The following VPS13A variants were observed in gnomAD, a reference collection of about 807,000 sequenced individuals.
VPS13A encodes the protein vacuolar protein sorting 13 homolog A, also known as intermembrane lipid transfer protein VPS13A.
A neutral mutation model predicts 390.9 loss-of-function variants in VPS13A; 264 were observed. The ratio of observed to expected loss-of-function variants is 0.68; its 90% CI spans 0.61 to 0.75. The LOEUF is 0.75. VPS13A is among the 30% of genes least tolerant of loss of function. The probability of loss-of-function intolerance (pLI) is 0.00; values close to 1 mark genes in which losing one functional copy is unlikely to be tolerated. For synonymous variants in VPS13A, 1,231 were observed against 1,227.1 expected, an observed-to-expected ratio of 1.00 and a Z score of -0.07; for missense variants, 3,409 against 3,733.9, an observed-to-expected ratio of 0.91 and a Z score of 2.27.
At chr9:77,191,183 A>G (rs1475880067) in intron 1 of VPS13A, among the ~76,000 whole-genome samples, 2 of 152,072 alleles carry the variant, frequency 1.3e-5, no homozygotes, top group Non-Finnish European at 2.9e-5. Context: ...ATTTAGCACT[A>G]TAAACTTTCC....
intron 24 of VPS13A, 130 bp from the exon 25 acceptor site, chr9:77,275,368 C>G (rs757866298): frequency 3.0e-5 from 26 of 863,538 alleles, no homozygotes; most frequent in Non-Finnish European, 4.7e-5. Flanking sequence ...CTGTTTATTT[C>G]GGTTCTCATG....
intron 16 of VPS13A, 105 bp downstream of exon 16, chr9:77,227,590 T>C (rs1417464479): frequency 1.3e-5 from 11 of 874,096 alleles, no homozygotes; most frequent in Non-Finnish European, 2.0e-5. Context: ...TGGTGTGATC[T>C]CTGCTGCCAG....
chr9:77,353,723 T>C (rs941644117), intron 54 of VPS13A, 82 bp downstream of exon 54: 2 of 1,330,558 alleles, frequency 1.5e-6, no homozygotes, highest in African/African-American at 2.9e-5. Context: ...TCTCAAATGA[T>C]TTAGTTTCAG....
intron 23 of VPS13A, among the ~76,000 whole-genome samples, chr9:77,265,940 G>A (rs1826013230): frequency 6.6e-6 from 1 of 152,144 alleles, no homozygotes; most frequent in Admixed American, 6.5e-5. Flanking sequence ...GGATTTTAGT[G>A]CTATAAATTT....
In VPS13A at chr9:77,321,749, A is replaced by G. The variant is rs1387590707; in HGVS notation, c.5830+3A>G. On this transcript the variant is annotated splice_donor_region_variant and intron_variant, in intron 44 of 71. Coordinates refer to ENST00000360280, the MANE Select transcript of VPS13A (RefSeq NM_033305.3). ...CAAACTCTTCTTCATTCTTCTTAGT[A>G]AGTAGTTGAAAAATTACCTTCCTGG... 1 of 1,613,056 alleles carries G rather than the reference A, an allele frequency of 6.2e-7. No homozygotes were observed.
In VPS13A at chr9:77,285,066, T is replaced by TA. The variant is rs1315697797; in HGVS notation, c.3339+1424dup. Among the ~76,000 whole-genome samples the TA allele has an allele frequency of 3.3e-5, 5 of 151,968 alleles. No individual in the cohort carries two copies. The East Asian group carries it at 5.8e-4, about 18-fold the overall frequency. ...ATTCAGTTTACAGAAAGTTACAAAA[T>TA]AAAAAAAATCTTTCTCCTTGTCTTC... On this transcript the variant is annotated intron_variant, in intron 31 of 71. Coordinates refer to ENST00000360280, the MANE Select transcript of VPS13A (RefSeq NM_033305.3).
rs1325168607 is a variant in VPS13A, at chr9:77,321,521, G to A, written c.5605G>A (p.Ala1869Thr). The change falls in exon 44 of 72, where the codon GCT (alanine) becomes ACT (threonine). Residue 1869 changes from alanine (A) to threonine (T), a missense_variant. By Grantham distance (58) the Ala-to-Thr change is moderately conservative. This residue lies in a region of VPS13A where 2,717 missense variants were observed against 2,917.4 expected (regional missense o/e 0.93). Coordinates refer to ENST00000360280, the MANE Select transcript of VPS13A (RefSeq NM_033305.3). ...AFTEAATGSS[A>T]DFVKDLAPFM... ...TACAGAAGCTGCCACTGGATCTTCA[G>A]CTGACTTCGTAAAGGATCTAGCACC... 2 of 1,613,450 alleles carry A rather than the reference G, an allele frequency of 1.2e-6. No homozygotes were observed. The highest frequency in any genetic ancestry group is 1.1e-5 in the South Asian group (1 of 91,060).
chr9:77,411,580 A>G (rs1351390043), intron 71 of VPS13A, among the ~76,000 whole-genome samples: 3 of 144,616 alleles, frequency 2.1e-5, no homozygotes, highest in African/African-American at 7.7e-5. Context: ...GGAGAATGGC[A>G]TGAACCTGGG....
intron 68 of VPS13A, among the ~76,000 whole-genome samples, chr9:77,385,432 T>C (rs901439194): frequency 2.0e-5 from 3 of 150,902 alleles, no homozygotes; most frequent in African/African-American, 7.3e-5. Flanking sequence ...TGTATATGCA[T>C]CTACTATATT....
intron 70 of VPS13A, among the ~76,000 whole-genome samples, chr9:77,406,625 C>T (rs770680811): frequency 6.6e-6 from 1 of 152,006 alleles, no homozygotes; most frequent in Non-Finnish European, 1.5e-5. Flanking sequence ...CCAGGTTGGC[C>T]AGTCTGGTCT....
rs1244449834 is a variant in VPS13A, at chr9:77,273,298, T to C, written c.2446T>C (p.Leu816=). ...KSFQIQTSTS[L]GTSQISQKII... is the part of the protein sequence containing the mutation. ...CTTTCAGATTCAAACATCTACTTCT[T>C]TGGGAACATCACAGATTTCACAGAA... The change falls in exon 24 of 72, where the codon TTG becomes CTG. Residue 816 remains leucine (L), a synonymous_variant. Transcript: ENST00000360280. 13 of 1,611,654 alleles carry C rather than the reference T, an allele frequency of 8.1e-6. No homozygotes were observed. The highest frequency in any genetic ancestry group is 1.3e-5 in the African/African-American group (1 of 74,880).
At position 77,180,078 on chromosome 9, in the gene VPS13A, C is replaced by T. The variant is rs118061006; in HGVS notation, c.100+2274C>T. ...GGGTTGAATAATATTCCATTATATT[C>T]ATAGACCACAATTTATTTATCTATA... On this transcript the variant is annotated intron_variant, in intron 1 of 71. Coordinates refer to ENST00000360280, the MANE Select transcript of VPS13A (RefSeq NM_033305.3). 8.4e-3 allele frequency among the ~76,000 whole-genome samples: 1,286 copies of T among 152,246 alleles called. 10 individuals are homozygous for T. Among genetic ancestry groups the T allele is most frequent in the South Asian group, 0.014 (67 of 4,822 alleles).
At chr9:77,365,659 A>G in intron 60 of VPS13A, 86 bp downstream of exon 60, 2 of 795,148 alleles carry the variant, frequency 2.5e-6, no homozygotes, top group Non-Finnish European at 4.2e-6. Context: ...TCAGTAATAT[A>G]TAAAATCTGT....
intron 37 of VPS13A, 56 bp from the exon 38 acceptor site, chr9:77,315,197 G>A: frequency 6.7e-7 from 1 of 1,487,574 alleles, no homozygotes; most frequent in Admixed American, 1.7e-5. Flanking sequence ...TTACTCATAT[G>A]TTTGATTACT....
chr9:77,273,145 C>G, intron 23 of VPS13A, 135 bp from the exon 24 acceptor site: 2 of 666,450 alleles, frequency 3.0e-6, no homozygotes, highest in Non-Finnish European at 2.5e-6. Flanking sequence ...TAATTTAAAC[C>G]TGATTATCTT....
At chr9:77,322,791 A>G (rs1271073469) in intron 44 of VPS13A, among the ~76,000 whole-genome samples, 6 of 152,016 alleles carry the variant, frequency 3.9e-5, no homozygotes, top group Non-Finnish European at 8.8e-5. Context: ...AGAGATCAGT[A>G]TTCTTGTATT....
chr9:77,193,657 A>G (rs1003324346), intron 1 of VPS13A, among the ~76,000 whole-genome samples: 4 of 152,190 alleles, frequency 2.6e-5, no homozygotes, highest in African/African-American at 9.6e-5. Context: ...ATATAAAATA[A>G]GAACCATTGC....
At chr9:77,195,759 G>A (rs1589979958) in intron 1 of VPS13A, among the ~76,000 whole-genome samples, 1 of 149,564 alleles carries the variant, frequency 6.7e-6, no homozygotes, top group Non-Finnish European at 1.5e-5. Flanking sequence ...AAAAGAAAAC[G>A]AATGCTTTAT....
chr9:77,293,214 G>C, intron 31 of VPS13A, 127 bp from the exon 32 acceptor site: 1 of 815,002 alleles, frequency 1.2e-6, no homozygotes, highest in East Asian at 2.8e-5. Flanking sequence ...TGCCTCATTT[G>C]TACTTGGCTT....
Sources: gnomAD v4.1 joint callset for allele counts (sites outside exome capture counted in the v4.1 genomes callset) on GRCh38, gnomAD v4.1.1 for gene constraint, gnomAD v4.1.1 regional missense constraint, MANE v1.5 for transcripts, NCBI Gene and HGNC (gene_info 2026-07-23, HGNC 2026-07-21) for gene names.